The following MTPAP variants were observed in gnomAD, a reference collection of about 807,000 sequenced individuals.
MTPAP encodes poly(A) RNA polymerase, mitochondrial.
A neutral mutation model predicts 48.7 loss-of-function variants in MTPAP; 23 were observed. The ratio of observed to expected loss-of-function variants is 0.47; its 90% CI spans 0.34 to 0.67. The LOEUF (loss-of-function observed/expected upper bound fraction) is 0.67, where lower values mean the gene tolerates loss of function less well. Among genes scored for constraint, MTPAP ranks in the 30% least tolerant of loss-of-function variants. The pLI is 0.01. For synonymous variants in MTPAP, 257 were observed against 254.1 expected (o/e 1.01, Z -0.11); for missense variants, 614 against 694.3 (o/e 0.88, Z 1.30).
rs767555619 is a variant in MTPAP at position 30,313,829 on chromosome 10, T to G, written c.1529A>C (p.Gln510Pro). 1.2e-6 allele frequency: 2 copies of G among 1,614,102 alleles called. No homozygotes were observed. Among genetic ancestry groups the G allele is most frequent in the Non-Finnish European group, 8.5e-7 (1 of 1,180,034 alleles). ...DLARESAWIL[Q>P]QEDTDRPSIS... Reference sequence around the variant, plus strand: ...GGAAGGTCGATCTGTATCTTCCTGTTGTAAAATCCAGGCACTTTCTCGGGC... The same window carrying G: ...GGAAGGTCGATCTGTATCTTCCTGTGGTAAAATCCAGGCACTTTCTCGGGC... Residue 510 changes from glutamine (Q) to proline (P), a missense_variant, in exon 9 of 9, where the codon CAA becomes CCA. Coordinates refer to ENST00000263063, the MANE Select transcript of MTPAP (RefSeq NM_018109.4).
At chr10:30,337,855 C>T (rs1834747752) in intron 3 of MTPAP, among the ~76,000 whole-genome samples, 3 of 152,128 alleles carry the variant, frequency 2.0e-5, no homozygotes, top group Admixed American at 2.0e-4. Flanking sequence ...GAATAACAAT[C>T]CTGTCTATCC....
chr10:30,337,045 A>T lies in MTPAP; in HGVS notation c.556-18T>A. 1.9e-6 allele frequency: 3 copies of T among 1,583,304 alleles called. No homozygotes were observed. The highest frequency in any genetic ancestry group is 1.7e-6 in the Non-Finnish European group (2 of 1,153,532). On this transcript the variant is annotated intron_variant, in intron 3 of 8. Coordinates refer to ENST00000263063, the MANE Select transcript of MTPAP (RefSeq NM_018109.4). ...TCGTCTATCTAGCTAGCCGAAACAA[A>T]ACCAACAAAATAGAGAAAAAGTACA...
chr10:30,330,162 T>G (rs1212400448), intron 4 of MTPAP, among the ~76,000 whole-genome samples: 2 of 152,210 alleles, frequency 1.3e-5, no homozygotes, highest in Non-Finnish European at 2.9e-5. Context: ...ATGTGGCATT[T>G]TCTCTACTGA....
intron 1 of MTPAP, among the ~76,000 whole-genome samples, chr10:30,343,385 G>A (rs573728420): frequency 4.0e-5 from 6 of 148,370 alleles, no homozygotes; most frequent in African/African-American, 1.5e-4. Context: ...TCCAGCCTGA[G>A]TGACAGAGGG....
At chr10:30,349,074 T>G (rs1834903728) in intron 1 of MTPAP, 45 bp downstream of exon 1, 1 of 1,613,476 alleles carries the variant, frequency 6.2e-7, no homozygotes, top group East Asian at 2.2e-5. Flanking sequence ...CCCAGACTCC[T>G]CGCCCGCTGT....
intron 4 of MTPAP, among the ~76,000 whole-genome samples, chr10:30,331,715 C>A (rs929962570): frequency 6.6e-6 from 1 of 152,140 alleles, no homozygotes; most frequent in Non-Finnish European, 1.5e-5. Context: ...TACAGGCACC[C>A]GCCATCATGC....
chr10:30,322,351 A>T, intron 6 of MTPAP, 40 bp downstream of exon 6: 1 of 1,439,520 alleles, frequency 6.9e-7, no homozygotes, highest in Non-Finnish European at 9.8e-7. Flanking sequence ...TACTCATAAC[A>T]TTGGAAAAAG....
At chr10:30,347,877 C>G (rs1564525486) in intron 1 of MTPAP, among the ~76,000 whole-genome samples, 1 of 147,486 alleles carries the variant, frequency 6.8e-6, no homozygotes, top group Non-Finnish European at 1.5e-5. Flanking sequence ...GGTGACAGAG[C>G]AAGACTTCGT....
rs1353483403 is a variant in MTPAP, at chr10:30,319,073, G to A, written c.1220-2863C>T. ...AAAAAAAGCGGGGTGGCTGGGAGGG[G>A]GAGGCTGGGAGAAGGCCATTTCAGG... On this transcript the variant is annotated intron_variant, in intron 6 of 8. Transcript: ENST00000263063. Among the ~76,000 whole-genome samples the A allele has an allele frequency of 2.0e-5, 3 of 151,676 alleles. No individual in the cohort carries two copies. The East Asian group carries it at 5.8e-4, about 29-fold the overall frequency.
intron 1 of MTPAP, among the ~76,000 whole-genome samples, chr10:30,345,734 G>A (rs1834866681): frequency 6.6e-6 from 1 of 152,120 alleles, no homozygotes; most frequent in Non-Finnish European, 1.5e-5. Flanking sequence ...AATATGGTAA[G>A]CACAAACTAA....
intron 5 of MTPAP, among the ~76,000 whole-genome samples, chr10:30,324,083 A>G (rs1834551723): frequency 6.6e-6 from 1 of 152,174 alleles, no homozygotes; most frequent in Non-Finnish European, 1.5e-5. Context: ...TGGGTGGCTG[A>G]CGTGGGAGGA....
At chr10:30,341,335 G>A (rs1021532146) in intron 2 of MTPAP, 133 bp downstream of exon 2, 9 of 1,142,730 alleles carry the variant, frequency 7.9e-6, no homozygotes, top group Middle Eastern at 2.9e-4. Context: ...AAGAAATCTA[G>A]ATAAAGAAGA....
rs564029933 is a variant in MTPAP at position 30,310,264 on chromosome 10, G to A, written c.*3345C>T. The A allele has an allele frequency of 2.2e-3, 335 of 152,240 alleles. No individual in the cohort carries two copies. Among genetic ancestry groups the A allele is most frequent in the African/African-American group, 7.7e-3 (318 of 41,534 alleles). 9.4% of individuals were successfully genotyped at this position (152,240 alleles called of 1,614,324 possible). A position where few individuals can be genotyped will look rare whatever the true frequency, so the allele number is the denominator to read the frequency against. ...TATATTTGTCTGTAGTCTATATTCA[G>A]TTGAACAGACTTTAAAACTGTGTAT... On this transcript the variant is annotated 3_prime_UTR_variant, in exon 9 of 9. Coordinates refer to ENST00000263063, the MANE Select transcript of MTPAP (RefSeq NM_018109.4).
chr10:30,313,509 T>C lies in MTPAP; in HGVS notation c.*100A>G. On this transcript the variant is annotated 3_prime_UTR_variant, in exon 9 of 9. Coordinates refer to ENST00000263063, the MANE Select transcript of MTPAP (RefSeq NM_018109.4). ...GAAGATCATGAAAAGTGACATCAGATGAAAGCTGAGATCTGTGAAAGTTTC... is the reference window on the plus strand; with the variant it reads ...GAAGATCATGAAAAGTGACATCAGACGAAAGCTGAGATCTGTGAAAGTTTC... The C allele has an allele frequency of 6.7e-7, 1 of 1,495,628 alleles. No individual in the cohort carries two copies. The highest frequency in any genetic ancestry group is 9.2e-7 in the Non-Finnish European group (1 of 1,081,130). 92.6% of individuals were successfully genotyped at this position (1,495,628 alleles called of 1,614,324 possible).
chr10:30,336,537 T>C lies in MTPAP; in HGVS notation c.780+266A>G, dbSNP rs73236434. Among the ~76,000 whole-genome samples, 3,469 of 152,234 alleles carry C rather than the reference T, an allele frequency of 0.023. 120 individuals carry two copies. The highest frequency in any genetic ancestry group is 0.072 in the African/African-American group (3,009 of 41,550). On this transcript the variant is annotated intron_variant, in intron 4 of 8. Coordinates refer to ENST00000263063, the MANE Select transcript of MTPAP (RefSeq NM_018109.4). Reference sequence around the variant, plus strand: ...AATTTGAATAACACAATAGGTAACTTTGACTTAACTGAAAAATTTCTGAAC... The same window carrying C: ...AATTTGAATAACACAATAGGTAACTCTGACTTAACTGAAAAATTTCTGAAC...
chr10:30,327,391 C>CA (rs1554817739), intron 4 of MTPAP, among the ~76,000 whole-genome samples: 1 of 150,332 alleles, frequency 6.7e-6, no homozygotes, highest in African/African-American at 2.5e-5. Flanking sequence ...CCCAGCTACC[C>CA]GGGAGGCTGA....
At chr10:30,339,774 AC>A (rs1468165742) in intron 3 of MTPAP, among the ~76,000 whole-genome samples, 3 of 152,224 alleles carry the variant, frequency 2.0e-5, no homozygotes, top group African/African-American at 7.2e-5. Context: ...AAATATTAGC[AC>A]GACAAATGTA....
At chr10:30,337,873 G>C (rs17295122) in intron 3 of MTPAP, among the ~76,000 whole-genome samples, 15,004 of 152,174 alleles carry the variant, frequency 0.099, 995 homozygotes, top group Non-Finnish European at 0.12. Flanking sequence ...TCCACTAGAA[G>C]ACTGGCATTA....
At chr10:30,331,823 T>C (rs1834670332) in intron 4 of MTPAP, among the ~76,000 whole-genome samples, 6 of 152,224 alleles carry the variant, frequency 3.9e-5, no homozygotes, top group African/African-American at 1.2e-4. Context: ...CACCTTGGCC[T>C]CCCAAAGTGC....
Sources: allele counts gnomAD v4.1 joint callset (sites outside exome capture counted in the v4.1 genomes callset), GRCh38; gene constraint gnomAD v4.1.1; transcripts MANE v1.5; gene names NCBI Gene and HGNC (gene_info 2026-07-23, HGNC 2026-07-21).